FSTL4: variants seen among roughly 807,000 people sequenced by gnomAD.
FSTL4 encodes the protein follistatin like 4, also known as follistatin-related protein 4.
A neutral mutation model predicts 78.2 loss-of-function variants in FSTL4; 28 were observed. The ratio of observed to expected loss-of-function variants is 0.36; its 90% CI spans 0.27 to 0.49. FSTL4 has a LOEUF of 0.49. FSTL4 is among the 20% of genes least tolerant of loss of function. The pLI is 0.98. For missense variants in FSTL4, 922 were observed against 1,084.9 expected, an observed-to-expected ratio of 0.85 and a Z score of 2.11; for synonymous variants, 422 against 440.5, an observed-to-expected ratio of 0.96 and a Z score of 0.53.
At chr5:133,615,461 C>T (rs1580824348), upstream of FSTL4, among the ~76,000 whole-genome samples, 4 of 152,286 alleles carry the variant, frequency 2.6e-5, no homozygotes, top group African/African-American at 4.8e-5. Context: ...GAGAGTCACA[C>T]CTTTCCCAGA....
intron 6 of FSTL4, chr5:133,252,236 G>A (rs1349118405): frequency 1.3e-5 from 2 of 152,200 alleles, no homozygotes; most frequent in Non-Finnish European, 2.9e-5. Context: ...AGTTACAAAA[G>A]GAATCAGATT....
At chr5:133,513,114 C>T (rs1370690097) in intron 3 of FSTL4, among the ~76,000 whole-genome samples, 1 of 152,172 alleles carries the variant, frequency 6.6e-6, no homozygotes, top group Non-Finnish European at 1.5e-5. Flanking sequence ...AGCCACTGTG[C>T]CCGGCCTGGA....
intron 7 of FSTL4, among the ~76,000 whole-genome samples, chr5:133,240,548 C>G (rs577992933): frequency 6.6e-6 from 1 of 152,284 alleles, no homozygotes; most frequent in South Asian, 2.1e-4. Flanking sequence ...GTGGGGAGAG[C>G]ACCTGGTTCT....
chr5:133,590,107 T>G (rs1373300966), intron 2 of FSTL4, among the ~76,000 whole-genome samples: 1 of 151,842 alleles, frequency 6.6e-6, no homozygotes, highest in Non-Finnish European at 1.5e-5. Context: ...ATTTATTTAT[T>G]TATTTATTTA....
At position 133,349,309 on chromosome 5, in the gene FSTL4, G is replaced by C. The variant is rs1262411433; in HGVS notation, c.410-32657C>G. On this transcript the variant is annotated intron_variant, in intron 4 of 15. Transcript: ENST00000265342. ...AGCCTCTCTCTCTGTGTGTGTGTGT[G>C]TGTGTGTGTGTGTGTGTGTGTGTGT... is the stretch of plus-strand genomic sequence containing the variant. 2.6e-3 allele frequency among the ~76,000 whole-genome samples: 383 copies of C among 148,040 alleles called. 2 individuals carry two copies. The highest frequency in any genetic ancestry group is 8.6e-3 in the African/African-American group (354 of 41,032).
At chr5:133,369,638 T>A (rs1178853286) in intron 4 of FSTL4, among the ~76,000 whole-genome samples, 1 of 152,214 alleles carries the variant, frequency 6.6e-6, no homozygotes, top group East Asian at 1.9e-4. Context: ...ACCTACTTTC[T>A]TATTCTCCAC....
At chr5:133,345,843 G>A (rs1754686982) in intron 4 of FSTL4, among the ~76,000 whole-genome samples, 1 of 152,176 alleles carries the variant, frequency 6.6e-6, no homozygotes, top group South Asian at 2.1e-4. Flanking sequence ...GATTCCTCAA[G>A]GATCTGGAAC....
chr5:133,464,239 A>T (rs1347098764), intron 3 of FSTL4, among the ~76,000 whole-genome samples: 1 of 152,158 alleles, frequency 6.6e-6, no homozygotes, highest in African/African-American at 2.4e-5. Context: ...GCGCAAATCC[A>T]CCAGGCCAGG....
intron 3 of FSTL4, among the ~76,000 whole-genome samples, chr5:133,559,907 G>C (rs950035693): frequency 6.6e-6 from 1 of 152,218 alleles, no homozygotes; most frequent in African/African-American, 2.4e-5. Context: ...GTATCCTGGA[G>C]CTATGGGGTT....
At chr5:133,536,009 C>T (rs528344616) in intron 3 of FSTL4, among the ~76,000 whole-genome samples, 1 of 152,294 alleles carries the variant, frequency 6.6e-6, no homozygotes, top group African/African-American at 2.4e-5. Context: ...CTTTCGCTAT[C>T]ACCAAGCAGA....
Position 133,603,902 on chromosome 5 carries a change from T to TTCCTGGG in FSTL4, c.75_81dup (p.Thr28ProfsTer23). 6.2e-7 allele frequency: 1 copy of TTCCTGGG among 1,614,098 alleles called. No individual in the cohort carries two copies. The highest frequency in any genetic ancestry group is 8.5e-7 in the Non-Finnish European group (1 of 1,179,932). The stretch of plus-strand genomic sequence containing the variant: ...ACACCCACATCCGGGCCTCTGCTGG[T>TTCCTGGG]TCCTGGGTCCATCCATCCCAGCGCA... On this transcript the variant is annotated frameshift_variant, in exon 2 of 16. Transcript: ENST00000265342. LOFTEE classifies it high-confidence loss of function.
At chr5:133,273,907 G>A (rs1056640962) in intron 6 of FSTL4, among the ~76,000 whole-genome samples, 1 of 152,156 alleles carries the variant, frequency 6.6e-6, no homozygotes, top group African/African-American at 2.4e-5. Context: ...TCCCTTCTGT[G>A]CCTCCAGCAG....
intron 6 of FSTL4, among the ~76,000 whole-genome samples, chr5:133,273,539 G>A (rs992176072): frequency 6.6e-6 from 1 of 152,162 alleles, no homozygotes; most frequent in African/African-American, 2.4e-5. Context: ...TTACCTGGGG[G>A]ATCTTACTGA....
chr5:133,308,441 G>T (rs778944944), intron 6 of FSTL4, among the ~76,000 whole-genome samples: 1 of 152,186 alleles, frequency 6.6e-6, no homozygotes, highest in African/African-American at 2.4e-5. Flanking sequence ...TAAGCTCCTT[G>T]TCTGAACTCA....
intron 3 of FSTL4, among the ~76,000 whole-genome samples, chr5:133,549,254 C>A (rs1242620666): frequency 1.3e-5 from 2 of 152,128 alleles, no homozygotes; most frequent in Non-Finnish European, 2.9e-5. Flanking sequence ...AGTCTCCTTG[C>A]CTCCTAACCT....
chr5:133,468,133 A>C (rs534223590), intron 3 of FSTL4, among the ~76,000 whole-genome samples: 1 of 152,314 alleles, frequency 6.6e-6, no homozygotes, highest in East Asian at 1.9e-4. Flanking sequence ...CTTGCTGGGA[A>C]GATGAAAATA....
At chr5:133,821,938 C>T in the FSTL4 span, among the ~76,000 whole-genome samples, 6 of 152,096 alleles carry the variant, frequency 3.9e-5, no homozygotes, top group Non-Finnish European at 5.9e-5. Flanking sequence ...GGGAGCCCAA[C>T]GGGGGCACAG....
chr5:133,354,394 G>C (rs1754897996), intron 4 of FSTL4, among the ~76,000 whole-genome samples: 1 of 152,236 alleles, frequency 6.6e-6, no homozygotes, highest in South Asian at 2.1e-4. Context: ...AAGATGGATG[G>C]AGATGACTGG....
rs530674087 is a variant in FSTL4 at position 133,536,102 on chromosome 5, A to G, written c.160+31084T>C. Among the ~76,000 whole-genome samples, 7 of 152,346 alleles carry G rather than the reference A, an allele frequency of 4.6e-5. No homozygotes were observed. In the South Asian group the frequency reaches 1.5e-3, roughly 32 times the overall value. ...GTGAATGAATGAATGAACTGAGCAC[A>G]TGACGGAAAGGCATGCACTGGTCTC... On this transcript the variant is annotated intron_variant, in intron 3 of 15. Coordinates refer to ENST00000265342, the MANE Select transcript of FSTL4 (RefSeq NM_015082.2).
Sources: gnomAD v4.1 joint callset for allele counts (sites outside exome capture counted in the v4.1 genomes callset) on GRCh38, gnomAD v4.1.1 for gene constraint, MANE v1.5 for transcripts, NCBI Gene and HGNC (gene_info 2026-07-23, HGNC 2026-07-21) for gene names.